PTPN6: variants seen among roughly 807,000 people sequenced by gnomAD.
PTPN6 encodes the protein tyrosine-protein phosphatase non-receptor type 6.
A neutral mutation model predicts 81.5 loss-of-function variants in PTPN6; 18 were observed. The observed-to-expected ratio is 0.22, with a 90% CI of 0.15 to 0.33. The LOEUF (loss-of-function observed/expected upper bound fraction) is 0.33. PTPN6 is among the 10% of genes least tolerant of loss of function. The pLI is 1.00. For missense variants in PTPN6, 500 were observed against 794.2 expected, an observed-to-expected ratio of 0.63 and a Z score of 4.45; for synonymous variants, 301 against 310.9, an observed-to-expected ratio of 0.97 and a Z score of 0.33.
chr12:6,956,182 C>A lies in PTPN6; in HGVS notation c.885C>A (p.Asn295Lys). 1 of 1,614,204 alleles carries A rather than the reference C, an allele frequency of 6.2e-7. No homozygotes were observed. Among genetic ancestry groups the A allele is most frequent in the Non-Finnish European group, 8.5e-7 (1 of 1,180,030 alleles). Residue 295 changes from asparagine (N) to lysine (K), a missense_variant, in exon 8 of 16, where the codon AAC becomes AAA. Asn to Lys is a moderately conservative substitution (Grantham distance 94, BLOSUM62 0). This residue lies in a region of PTPN6 where 226 missense variants were observed against 364.4 expected (regional missense o/e 0.62). Transcript: ENST00000318974. The surrounding 1 kb of genome is among the most constrained non-coding windows in gnomAD (Gnocchi z 4.1). ...TGATCCTGCAGGGACGGGACAGTAA[C>A]ATCCCCGGGTCCGACTACATCAATG... ...SRVILQGRDS[N>K]IPGSDYINAN...
rs144480448 is a variant in PTPN6, at chr12:6,957,879, C to T, written c.1207-40C>T. ...GTAGGGTGAGATGGATGAGGTGTTC[C>T]GAGAGAGGAGGGGGCACTGACCCTA... On this transcript the variant is annotated intron_variant, in intron 10 of 15. Transcript: ENST00000318974. This position sits in a 1 kb window ranked among gnomAD's most constrained non-coding sequence, Gnocchi z 6.5. The T allele has an allele frequency of 2.2e-3, 3,597 of 1,613,930 alleles. 76 individuals carry two copies. In the South Asian group the frequency reaches 0.031, roughly 14 times the overall value.
chr12:6,948,434 CAAA>C (rs1262721721), upstream of PTPN6, among the ~76,000 whole-genome samples: 10 of 45,452 alleles, frequency 2.2e-4, no homozygotes, highest in Non-Finnish European at 3.4e-4. Flanking sequence ...GATTCTGTGT[CAAA>C]AAAAAAAAAA....
chr12:6,961,222 C>T lies in PTPN6; in HGVS notation c.*122C>T, dbSNP rs1238778953. 4 of 440,880 alleles carry T rather than the reference C, an allele frequency of 9.1e-6. No homozygotes were observed. Among genetic ancestry groups the T allele is most frequent in the Middle Eastern group, 6.7e-4 (1 of 1,492 alleles). 27.3% of individuals were successfully genotyped at this position (440,880 alleles called of 1,614,324 possible). On this transcript the variant is annotated 3_prime_UTR_variant, in exon 16 of 16. Transcript: ENST00000318974. ...CTTTTGTAATTTAAATGGCTGCATC[C>T]CCCCCACCTCTCCCTGACCCTGTAT...
At position 6,960,928 on chromosome 12, in the gene PTPN6, TG is replaced by T; in HGVS notation, c.*9del. The T allele has an allele frequency of 6.4e-7, 1 of 1,559,754 alleles. No homozygotes were observed. Among genetic ancestry groups the T allele is most frequent in the Non-Finnish European group, 8.7e-7 (1 of 1,151,638 alleles). On this transcript the variant is annotated 3_prime_UTR_variant, in exon 15 of 16. Transcript: ENST00000318974. The surrounding 1 kb of genome is among the most constrained non-coding windows in gnomAD (Gnocchi z 6.1). ...TCCCTCAAGAGGAAGTGAGCGGTGC[TG>T]TCCTCAGGTGGCCATGGTACAGCTC... is the stretch of plus-strand genomic sequence containing the variant.
At position 6,957,548 on chromosome 12, in the gene PTPN6, A is replaced by G. The variant is rs1946053189; in HGVS notation, c.1075-106A>G. ...CTCTGCCAGCCCATCCGTCCATCCA[A>G]CAAATGTTTGGGCCGGTGCCAGGCA... On this transcript the variant is annotated intron_variant, in intron 9 of 15. Coordinates refer to ENST00000318974, the MANE Select transcript of PTPN6 (RefSeq NM_002831.6). The surrounding 1 kb of genome is among the most constrained non-coding windows in gnomAD (Gnocchi z 6.5). The G allele has an allele frequency of 2.4e-5, 34 of 1,433,012 alleles. 1 individual carries two copies. In the South Asian group the frequency reaches 3.4e-4, roughly 14 times the overall value. 88.8% of individuals were successfully genotyped at this position (1,433,012 alleles called of 1,614,324 possible). A position where few individuals can be genotyped will look rare whatever the true frequency, so the allele number is the denominator to read the frequency against.
rs190349194 is a variant in PTPN6, at chr12:6,952,282, A to G, written c.326+105A>G. On this transcript the variant is annotated intron_variant, in intron 3 of 15. Coordinates refer to ENST00000318974, the MANE Select transcript of PTPN6 (RefSeq NM_002831.6). The surrounding 1 kb of genome is among the most constrained non-coding windows in gnomAD (Gnocchi z 8.1). Reference sequence around the variant, plus strand: ...TGGCAGCCGGCGCTGCCTACCCTCCATCCCCTCCCCTCCCTGCACCAGCTG... The same window carrying G: ...TGGCAGCCGGCGCTGCCTACCCTCCGTCCCCTCCCCTCCCTGCACCAGCTG... The G allele has an allele frequency of 4.5e-3, 6,137 of 1,367,348 alleles. 211 individuals carry two copies. The African/African-American group carries it at 0.076, about 17-fold the overall frequency. 84.7% of individuals were successfully genotyped at this position (1,367,348 alleles called of 1,614,324 possible).
rs782204971 is a variant in PTPN6 at position 6,952,068 on chromosome 12, A to G, written c.217A>G (p.Thr73Ala). The G allele has an allele frequency of 5.6e-6, 9 of 1,614,122 alleles. No homozygotes were observed. The South Asian group carries it at 9.9e-5, about 18-fold the overall frequency. The change falls in exon 3 of 16, where the codon ACA becomes GCA. Residue 73 changes from threonine to alanine, a missense_variant. Thr to Ala is a moderately conservative substitution (Grantham distance 58). Coordinates refer to ENST00000318974, the MANE Select transcript of PTPN6 (RefSeq NM_002831.6). This position sits in a 1 kb window ranked among gnomAD's most constrained non-coding sequence, Gnocchi z 8.1. Reference protein sequence around the residue: ...LYGGEKFATLTELVEYYTQQQ... With the variant: ...LYGGEKFATLAELVEYYTQQQ... Reference sequence around the variant, plus strand: ...TGGAGGGGAGAAGTTTGCGACTCTGACAGAGCTGGTGGAGTACTACACTCA... The same window carrying G: ...TGGAGGGGAGAAGTTTGCGACTCTGGCAGAGCTGGTGGAGTACTACACTCA...
chr12:6,956,247 G>A lies in PTPN6; in HGVS notation c.924+26G>A. The A allele has an allele frequency of 1.2e-6, 2 of 1,612,850 alleles. No homozygotes were observed. Among genetic ancestry groups the A allele is most frequent in the Non-Finnish European group, 1.7e-6 (2 of 1,178,828 alleles). On this transcript the variant is annotated intron_variant, in intron 8 of 15. Coordinates refer to ENST00000318974, the MANE Select transcript of PTPN6 (RefSeq NM_002831.6). The surrounding 1 kb of genome is among the most constrained non-coding windows in gnomAD (Gnocchi z 4.1). ...GTCAGCAGTGTGGGCCACGTGGGAG[G>A]AGAGGCTGGGCCCTGGGAATTCCCT...
chr12:6,960,460 C>T lies in PTPN6; in HGVS notation c.1673+25C>T. 6.3e-7 allele frequency: 1 copy of T among 1,599,052 alleles called. No individual in the cohort carries two copies. Among genetic ancestry groups the T allele is most frequent in the Non-Finnish European group, 8.6e-7 (1 of 1,167,538 alleles). ...AGTGAGTGGCCCTGACTGCCACTGC[C>T]CGGCATCCACCCCTTTGTCCTGCCC... On this transcript the variant is annotated intron_variant, in intron 14 of 15. Coordinates refer to ENST00000318974, the MANE Select transcript of PTPN6 (RefSeq NM_002831.6). The surrounding 1 kb of genome is among the most constrained non-coding windows in gnomAD (Gnocchi z 6.1).
chr12:6,960,569 C>T lies in PTPN6; in HGVS notation c.1673+134C>T. On this transcript the variant is annotated intron_variant, in intron 14 of 15. Coordinates refer to ENST00000318974, the MANE Select transcript of PTPN6 (RefSeq NM_002831.6). The surrounding 1 kb of genome is among the most constrained non-coding windows in gnomAD (Gnocchi z 6.1). The stretch of plus-strand genomic sequence containing the variant: ...AGTTCAGGCTTGGTTCTCACCCCTT[C>T]TGTTCATAAGCATTTCCTGAGTGCC... The T allele has an allele frequency of 7.0e-7, 1 of 1,430,300 alleles. No individual in the cohort carries two copies. The highest frequency in any genetic ancestry group is 9.6e-7 in the Non-Finnish European group (1 of 1,038,254). 88.6% of individuals were successfully genotyped at this position (1,430,300 alleles called of 1,614,324 possible).
rs781818617 is a variant in PTPN6, at chr12:6,954,894, T to C, written c.416T>C (p.Leu139Pro). Reference sequence around the variant, plus strand: ...TGGACGTTTCTTGTGCGTGAGAGCCTCAGCCAGCCTGGAGACTTCGTGCTT... The same window carrying C: ...TGGACGTTTCTTGTGCGTGAGAGCCCCAGCCAGCCTGGAGACTTCGTGCTT... ...EPWTFLVRES[L>P]SQPGDFVLSV... The change falls in exon 4 of 16, where the codon CTC (leucine) becomes CCC (proline). Residue 139 changes from leucine (L) to proline (P), a missense_variant. Transcript: ENST00000318974. This position sits in a 1 kb window ranked among gnomAD's most constrained non-coding sequence, Gnocchi z 5.4. The C allele has an allele frequency of 1.2e-6, 2 of 1,614,216 alleles. No homozygotes were observed. Among genetic ancestry groups the C allele is most frequent in the Non-Finnish European group, 1.7e-6 (2 of 1,180,048 alleles).
At position 6,955,717 on chromosome 12, in the gene PTPN6, G is replaced by C. The variant is rs782637799; in HGVS notation, c.805G>C (p.Glu269Gln). ...CCAGCGTCTGGAAGGGCAGCGGCCAGAGAACAAGGGCAAGAACCGCTACAA... is the reference window on the plus strand; with the variant it reads ...CCAGCGTCTGGAAGGGCAGCGGCCACAGAACAAGGGCAAGAACCGCTACAA... ...LHQRLEGQRP[E>Q]NKGKNRYKNI... Residue 269 changes from glutamate to glutamine, a missense_variant, in exon 7 of 16, where the codon GAG becomes CAG. Transcript: ENST00000318974. This position sits in a 1 kb window ranked among gnomAD's most constrained non-coding sequence, Gnocchi z 7.2. 6.2e-7 allele frequency: 1 copy of C among 1,614,056 alleles called. No individual in the cohort carries two copies. Among genetic ancestry groups the C allele is most frequent in the Non-Finnish European group, 8.5e-7 (1 of 1,180,006 alleles).
chr12:6,949,157 C>T (rs782506654), upstream of PTPN6, among the ~76,000 whole-genome samples: 2 of 152,242 alleles, frequency 1.3e-5, no homozygotes, highest in East Asian at 3.9e-4. Context: ...ATTTTCCTGC[C>T]AGGTAGCTTG....
chr12:6,951,337 C>T, upstream of PTPN6: 2 of 1,518,904 alleles, frequency 1.3e-6, no homozygotes, highest in Non-Finnish European at 1.8e-6. This position sits in a 1 kb window ranked among gnomAD's most constrained non-coding sequence, Gnocchi z 7.2. Flanking sequence ...TGTCCCCGCC[C>T]TGCCGGCTGC....
At chr12:6,947,447 A>C (rs1277711678), upstream of PTPN6, among the ~76,000 whole-genome samples, 1 of 152,094 alleles carries the variant, frequency 6.6e-6, no homozygotes, top group Non-Finnish European at 1.5e-5. Context: ...AGGCGAGAGG[A>C]TTGCTTGAGC....
chr12:6,947,113 C>T (rs2138247893), upstream of PTPN6, among the ~76,000 whole-genome samples: 1 of 152,350 alleles, frequency 6.6e-6, no homozygotes, highest in East Asian at 1.9e-4. Context: ...CAGCCAACTT[C>T]TCCGCACTTC....
At chr12:6,958,525 G>A (rs955457511) in intron 11 of PTPN6, among the ~76,000 whole-genome samples, 4 of 152,224 alleles carry the variant, frequency 2.6e-5, no homozygotes, top group Non-Finnish European at 4.4e-5. Flanking sequence ...ATCGGTAGCC[G>A]CAGGGCTTCG....
At position 6,951,553 on chromosome 12, in the gene PTPN6, C is replaced by G. The variant is rs1945925032; in HGVS notation, c.8+33C>G. The G allele has an allele frequency of 6.2e-7, 1 of 1,614,040 alleles. No homozygotes were observed. Among genetic ancestry groups the G allele is most frequent in the African/African-American group, 1.3e-5 (1 of 75,026 alleles). ...CCTGCCACCCACGGTAGACAGGAGG[C>G]AAGGGTGCCTGGTGCCCACGGGACC... is the stretch of plus-strand genomic sequence containing the variant. On this transcript the variant is annotated intron_variant, in intron 1 of 15. Coordinates refer to ENST00000318974, the MANE Select transcript of PTPN6 (RefSeq NM_002831.6). This position sits in a 1 kb window ranked among gnomAD's most constrained non-coding sequence, Gnocchi z 7.2.
In PTPN6 at chr12:6,952,051, A is replaced by C; in HGVS notation, c.200A>C (p.Glu67Ala). 1 of 1,614,032 alleles carries C rather than the reference A, an allele frequency of 6.2e-7. No homozygotes were observed. Among genetic ancestry groups the C allele is most frequent in the Non-Finnish European group, 8.5e-7 (1 of 1,179,992 alleles). Residue 67 changes from glutamate (E) to alanine (A), a missense_variant, in exon 3 of 16, where the codon GAG (glutamate) becomes GCG (alanine). Coordinates refer to ENST00000318974, the MANE Select transcript of PTPN6 (RefSeq NM_002831.6). This position sits in a 1 kb window ranked among gnomAD's most constrained non-coding sequence, Gnocchi z 8.1. ...SGDFYDLYGG[E>A]KFATLTELVE... ...GATTTCTATGACCTGTATGGAGGGG[A>C]GAAGTTTGCGACTCTGACAGAGCTG...
Sources: gnomAD v4.1 joint callset for allele counts (sites outside exome capture counted in the v4.1 genomes callset) on GRCh38, gnomAD v4.1.1 for gene constraint, gnomAD v4.1.1 regional missense constraint, Gnocchi (gnomAD v3.1) non-coding constraint, MANE v1.5 for transcripts, NCBI Gene and HGNC (gene_info 2026-07-23, HGNC 2026-07-21) for gene names.